Variants in LRRC4C observed in about 807,000 individuals in gnomAD.
LRRC4C encodes the protein leucine rich repeat containing 4C, also known as leucine-rich repeat-containing protein 4C.
Under a neutral mutation model 33.6 loss-of-function variants are expected in LRRC4C, and 5 were observed. The ratio of observed to expected loss-of-function variants is 0.15; its 90% CI spans 0.08 to 0.31. The LOEUF (loss-of-function observed/expected upper bound fraction) is 0.31, where lower values mean the gene tolerates loss of function less well. Ranked by LOEUF, LRRC4C falls within the 10% of genes least tolerant of loss-of-function variation. The pLI, the probability that LRRC4C is intolerant of heterozygous loss-of-function variation, is 1.00. For synonymous variants in LRRC4C, 329 were observed against 302.0 expected (o/e 1.09, Z -0.93); for missense variants, 560 against 796.7 (o/e 0.70, Z 3.58).
rs969596525 is a variant in LRRC4C, at chr11:41,322,368, A to G, written c.-496+137063T>C. Among the ~76,000 whole-genome samples the G allele has an allele frequency of 3.3e-5, 5 of 152,088 alleles. No homozygotes were observed. In the East Asian group the frequency reaches 9.7e-4, roughly 29 times the overall value. ...TAGGTTTACCCTCTGCAAAATTGTA[A>G]TGTTCTATCTTTATTTTTTTTTTCT... On this transcript the variant is annotated intron_variant, in intron 1 of 6. Coordinates refer to ENST00000528697, the MANE Select transcript of LRRC4C (RefSeq NM_001258419.2).
At chr11:40,353,119 T>G (rs1375132108) in intron 3 of LRRC4C, among the ~76,000 whole-genome samples, 1 of 152,200 alleles carries the variant, frequency 6.6e-6, no homozygotes, top group Non-Finnish European at 1.5e-5. Flanking sequence ...TTAATATCTT[T>G]CTCTAGGTAT....
At chr11:40,149,578 C>T (rs941254612) in intron 5 of LRRC4C, among the ~76,000 whole-genome samples, 7 of 152,008 alleles carry the variant, frequency 4.6e-5, no homozygotes, top group African/African-American at 1.7e-4. Context: ...ACTTAAGGAG[C>T]TTTGGGGCTA....
At position 40,345,405 on chromosome 11, in the gene LRRC4C, C is replaced by T. The variant is rs1464636929; in HGVS notation, c.-269-25684G>A. Among the ~76,000 whole-genome samples the T allele has an allele frequency of 3.3e-5, 5 of 151,938 alleles. No homozygotes were observed. In the East Asian group the frequency reaches 9.6e-4, roughly 29 times the overall value. On this transcript the variant is annotated intron_variant, in intron 3 of 6. Coordinates refer to ENST00000528697, the MANE Select transcript of LRRC4C (RefSeq NM_001258419.2). ...ACAGAAATAATGCCATATTCATACA[C>T]CCATCTGATCTTTGACAAAGCTGAC... is the stretch of plus-strand genomic sequence containing the variant.
intron 2 of LRRC4C, among the ~76,000 whole-genome samples, chr11:40,910,619 T>G (rs958734908): frequency 6.6e-6 from 1 of 152,282 alleles, no homozygotes; most frequent in Middle Eastern, 3.4e-3. Flanking sequence ...GCTCCCAGCG[T>G]GAGCAACACA....
chr11:41,278,890 T>C (rs1376449112), intron 1 of LRRC4C, among the ~76,000 whole-genome samples: 1 of 152,192 alleles, frequency 6.6e-6, no homozygotes, highest in Non-Finnish European at 1.5e-5. Context: ...GTAAATTACA[T>C]GTGACTGACT....
intron 1 of LRRC4C, among the ~76,000 whole-genome samples, chr11:40,983,435 C>A (rs1164941627): frequency 6.6e-6 from 1 of 152,124 alleles, no homozygotes; most frequent in East Asian, 1.9e-4. Flanking sequence ...TAGGCAATAC[C>A]AGTCAGGACA....
chr11:40,216,766 C>T (rs1016502348), intron 5 of LRRC4C, among the ~76,000 whole-genome samples: 3 of 152,138 alleles, frequency 2.0e-5, no homozygotes, highest in African/African-American at 7.2e-5. Context: ...ATATTCTGCA[C>T]CACAAAGTAA....
intron 1 of LRRC4C, among the ~76,000 whole-genome samples, chr11:41,433,043 T>G (rs1955296781): frequency 6.6e-6 from 1 of 152,174 alleles, no homozygotes; most frequent in South Asian, 2.1e-4. Context: ...GGTCACCCTG[T>G]GTCTTCTCCT....
At chr11:40,377,373 C>T (rs1034226289) in intron 3 of LRRC4C, among the ~76,000 whole-genome samples, 2 of 152,110 alleles carry the variant, frequency 1.3e-5, no homozygotes, top group African/African-American at 4.8e-5. Flanking sequence ...ATTATTAGCA[C>T]TTTCTGAGCT....
chr11:40,769,428 C>A (rs1285367981), intron 2 of LRRC4C, among the ~76,000 whole-genome samples: 1 of 152,040 alleles, frequency 6.6e-6, no homozygotes, highest in African/African-American at 2.4e-5. Flanking sequence ...AGATTCAATG[C>A]AATCTCTACC....
chr11:40,515,707 CA>C (rs1445229828), intron 3 of LRRC4C, among the ~76,000 whole-genome samples: 1 of 151,996 alleles, frequency 6.6e-6, no homozygotes, highest in Non-Finnish European at 1.5e-5. Flanking sequence ...TGTGTAATAA[CA>C]TTTTAAAATG....
At chr11:40,841,797 A>G (rs1474694403) in intron 2 of LRRC4C, among the ~76,000 whole-genome samples, 1 of 152,228 alleles carries the variant, frequency 6.6e-6, no homozygotes, top group Non-Finnish European at 1.5e-5. Flanking sequence ...AGTGTAAGCC[A>G]ACCAAGATTG....
chr11:40,620,936 G>A (rs900732846), intron 3 of LRRC4C, among the ~76,000 whole-genome samples: 1 of 151,666 alleles, frequency 6.6e-6, no homozygotes, highest in Non-Finnish European at 1.5e-5. Flanking sequence ...GCGTCTAGAA[G>A]GAAATTTTCA....
intron 2 of LRRC4C, among the ~76,000 whole-genome samples, chr11:40,905,253 T>G (rs1956368577): frequency 1.3e-5 from 2 of 152,108 alleles, no homozygotes; most frequent in African/African-American, 4.8e-5. Flanking sequence ...CATGCATTCT[T>G]AAAAAGCTCT....
intron 3 of LRRC4C, among the ~76,000 whole-genome samples, chr11:40,607,350 A>G (rs989728046): frequency 4.6e-5 from 7 of 152,082 alleles, no homozygotes; most frequent in African/African-American, 1.7e-4. Flanking sequence ...TTTCATGCTC[A>G]AATGTTGCAT....
intron 5 of LRRC4C, among the ~76,000 whole-genome samples, chr11:40,195,689 T>A (rs1047962710): frequency 1.3e-5 from 2 of 151,386 alleles, no homozygotes; most frequent in African/African-American, 4.9e-5. Context: ...TTCTAATATG[T>A]AAAGATTTGT....
chr11:40,844,209 G>A (rs148611582), intron 2 of LRRC4C, among the ~76,000 whole-genome samples: 68 of 151,226 alleles, frequency 4.5e-4, no homozygotes, highest in Admixed American at 7.9e-4. Flanking sequence ...TGCACGTTGT[G>A]CACATGTACC....
At chr11:40,919,334 T>C (rs1334104586) in intron 2 of LRRC4C, among the ~76,000 whole-genome samples, 3 of 152,192 alleles carry the variant, frequency 2.0e-5, no homozygotes, top group African/African-American at 7.2e-5. Flanking sequence ...TTTTTAAGCC[T>C]CACTTTCTTC....
At chr11:40,320,265 G>C (rs1590304731) in intron 3 of LRRC4C, among the ~76,000 whole-genome samples, 1 of 152,114 alleles carries the variant, frequency 6.6e-6, no homozygotes, top group Admixed American at 6.6e-5. Flanking sequence ...CAGCACTTTG[G>C]GAGGCAGAGG....
Sources: allele counts gnomAD v4.1 joint callset (sites outside exome capture counted in the v4.1 genomes callset), GRCh38; gene constraint gnomAD v4.1.1; transcripts MANE v1.5; gene names NCBI Gene and HGNC (gene_info 2026-07-23, HGNC 2026-07-21).